Variants in CXCL13 observed in about 807,000 individuals in gnomAD.
CXCL13 encodes the protein C-X-C motif chemokine ligand 13.
CXCL13 carries 7 observed loss-of-function variants against 12.2 expected under a neutral mutation model. The observed-to-expected ratio is 0.57, with a 90% CI of 0.33 to 1.07. The LOEUF (loss-of-function observed/expected upper bound fraction) is 1.07, where lower values mean the gene tolerates loss of function less well. Among genes scored for constraint, CXCL13 ranks in the 50% least tolerant of loss-of-function variants. CXCL13 has a pLI of 0.04. For missense variants in CXCL13, 113 were observed against 127.4 expected (o/e 0.89, Z 0.55); for synonymous variants, 47 against 42.4 (o/e 1.11, Z -0.42).
intron 1 of CXCL13, among the ~76,000 whole-genome samples, chr4:77,564,105 G>C (rs145292168): frequency 6.6e-6 from 1 of 152,010 alleles, no homozygotes; most frequent in Non-Finnish European, 1.5e-5. Context: ...TTATGAACCC[G>C]GTCCCATTTG....
chr4:77,536,043 C>T (rs537373403), intron 1 of CXCL13, among the ~76,000 whole-genome samples: 1 of 152,114 alleles, frequency 6.6e-6, no homozygotes, highest in Non-Finnish European at 1.5e-5. Flanking sequence ...ACCTCACTCC[C>T]CTCCCTCTCT....
At chr4:77,534,351 C>G (rs1725007283) in intron 1 of CXCL13, among the ~76,000 whole-genome samples, 1 of 152,178 alleles carries the variant, frequency 6.6e-6, no homozygotes, top group Non-Finnish European at 1.5e-5. Context: ...TCCAGTTGTT[C>G]TTTAACTGAT....
chr4:77,539,782 A>G (rs1725157364), intron 1 of CXCL13, among the ~76,000 whole-genome samples: 3 of 152,142 alleles, frequency 2.0e-5, no homozygotes. Context: ...GCTGCAACCA[A>G]TTATTATTTC....
intron 1 of CXCL13, among the ~76,000 whole-genome samples, chr4:77,590,954 A>G (rs922631521): frequency 4.6e-5 from 7 of 152,288 alleles, no homozygotes; most frequent in African/African-American, 1.7e-4. Context: ...ACCTTGGCTC[A>G]CTGCAAGGTC....
chr4:77,572,869 T>A lies in CXCL13; in HGVS notation c.-42-32955T>A, dbSNP rs1025905825. Among the ~76,000 whole-genome samples, 4 of 151,736 alleles carry A rather than the reference T, an allele frequency of 2.6e-5. 1 individual carries two copies. Among genetic ancestry groups the A allele is most frequent in the African/African-American group, 9.7e-5 (4 of 41,062 alleles). Reference sequence around the variant, plus strand: ...TCAGTGGTAGATTGGATAAAGAAAATGTGGTAAATATACACCATGGAATAC... The same window carrying A: ...TCAGTGGTAGATTGGATAAAGAAAAAGTGGTAAATATACACCATGGAATAC... On this transcript the variant is annotated intron_variant, in intron 1 of 4. Transcript: ENST00000286758.
chr4:77,534,073 T>C (rs1724997279), intron 1 of CXCL13, among the ~76,000 whole-genome samples: 1 of 152,344 alleles, frequency 6.6e-6, no homozygotes, highest in African/African-American at 2.4e-5. Flanking sequence ...CCCAGTGAGA[T>C]GAACCTGGTA....
At chr4:77,533,191 G>A (rs1252749411) in intron 1 of CXCL13, among the ~76,000 whole-genome samples, 2 of 152,120 alleles carry the variant, frequency 1.3e-5, no homozygotes, top group Non-Finnish European at 2.9e-5. Context: ...TTTGATGATG[G>A]TGAAGTACAG....
At chr4:77,547,101 G>A (rs1038985817) in intron 1 of CXCL13, among the ~76,000 whole-genome samples, 2 of 152,224 alleles carry the variant, frequency 1.3e-5, no homozygotes, top group African/African-American at 4.8e-5. Flanking sequence ...TGTGGTCTGA[G>A]AGACAGTTTG....
At position 77,605,862 on chromosome 4, in the gene CXCL13, C is replaced by A; in HGVS notation, c.-4C>A. 6.2e-7 allele frequency: 1 copy of A among 1,601,956 alleles called. No individual in the cohort carries two copies. Among genetic ancestry groups the A allele is most frequent in the South Asian group, 1.1e-5 (1 of 88,660 alleles). On this transcript the variant is annotated 5_prime_UTR_variant, in exon 1 of 4. Transcript: ENST00000682537. ...CTCAAGTCTGAACTCTACCTCCAGACAGAATGAAGTTCATCTCGACATCTC... is the reference window on the plus strand; with the variant it reads ...CTCAAGTCTGAACTCTACCTCCAGAAAGAATGAAGTTCATCTCGACATCTC...
At chr4:77,532,540 C>G (rs865916691) in intron 1 of CXCL13, among the ~76,000 whole-genome samples, 7 of 152,174 alleles carry the variant, frequency 4.6e-5, no homozygotes, top group African/African-American at 1.4e-4. Context: ...TTGCTGTTCT[C>G]GAGGAGTATC....
At chr4:77,570,803 C>T (rs1434453674) in intron 1 of CXCL13, among the ~76,000 whole-genome samples, 2 of 149,636 alleles carry the variant, frequency 1.3e-5, no homozygotes, top group Non-Finnish European at 2.9e-5. Context: ...GGGCTTAGCA[C>T]CCGGGCCAGC....
At chr4:77,542,048 A>T (rs1725217275) in intron 1 of CXCL13, among the ~76,000 whole-genome samples, 1 of 152,094 alleles carries the variant, frequency 6.6e-6, no homozygotes, top group South Asian at 2.1e-4. Flanking sequence ...AGATTTCTGT[A>T]TATTGGCTTT....
At chr4:77,542,340 C>T (rs1449150926) in intron 1 of CXCL13, among the ~76,000 whole-genome samples, 7 of 151,984 alleles carry the variant, frequency 4.6e-5, no homozygotes, top group African/African-American at 1.2e-4. Flanking sequence ...ATGTTGGCTA[C>T]GGGTTTGTCA....
At chr4:77,535,367 C>A (rs888415691) in intron 1 of CXCL13, among the ~76,000 whole-genome samples, 1 of 152,152 alleles carries the variant, frequency 6.6e-6, no homozygotes, top group Non-Finnish European at 1.5e-5. Context: ...CCAGTTGAGC[C>A]ATGCTTGTAT....
Position 77,598,438 on chromosome 4 carries a change from T to C in CXCL13, c.-42-7386T>C, listed in dbSNP as rs562483631. Reference sequence around the variant, plus strand: ...AGCCTGGAAGAGGGAAGGGGAAGTATAGAACAACCAGACTATGCTTTTCTC... The same window carrying C: ...AGCCTGGAAGAGGGAAGGGGAAGTACAGAACAACCAGACTATGCTTTTCTC... On this transcript the variant is annotated intron_variant, in intron 1 of 4. Transcript: ENST00000286758. Among the ~76,000 whole-genome samples the C allele has an allele frequency of 3.3e-5, 5 of 152,256 alleles. No homozygotes were observed. The South Asian group carries it at 8.3e-4, about 25-fold the overall frequency.
intron 1 of CXCL13, among the ~76,000 whole-genome samples, chr4:77,528,487 G>A (rs1001749042): frequency 2.6e-5 from 4 of 152,250 alleles, no homozygotes; most frequent in East Asian, 1.9e-4. Flanking sequence ...GTGTGAGATG[G>A]TATCTCATTG....
At chr4:77,534,697 G>A (rs1022250911) in intron 1 of CXCL13, among the ~76,000 whole-genome samples, 1 of 152,176 alleles carries the variant, frequency 6.6e-6, no homozygotes, top group African/African-American at 2.4e-5. Flanking sequence ...ATTTCAAACA[G>A]GTGATACACA....
intron 1 of CXCL13, among the ~76,000 whole-genome samples, chr4:77,543,012 G>T (rs960516013): frequency 1.3e-5 from 2 of 151,926 alleles, no homozygotes; most frequent in Admixed American, 1.3e-4. Context: ...TCAGTTGGTA[G>T]GTTTTTTATT....
At chr4:77,547,498 G>T (rs540502072) in intron 1 of CXCL13, among the ~76,000 whole-genome samples, 6 of 152,178 alleles carry the variant, frequency 3.9e-5, no homozygotes, top group South Asian at 2.1e-4. Flanking sequence ...GACCTTCTTT[G>T]TCTCTTTTGA....
Sources: allele counts gnomAD v4.1 joint callset (sites outside exome capture counted in the v4.1 genomes callset), GRCh38; gene constraint gnomAD v4.1.1; transcripts MANE v1.5; gene names NCBI Gene and HGNC (gene_info 2026-07-23, HGNC 2026-07-21).